Variants in DLGAP1 observed in about 807,000 individuals in gnomAD.
DLGAP1 encodes the protein DLG associated protein 1.
In DLGAP1, 11 loss-of-function variants were observed where a neutral mutation model predicts 90.8. The observed-to-expected ratio is 0.12, with a 90% CI of 0.08 to 0.20. The LOEUF (loss-of-function observed/expected upper bound fraction) is 0.20. Ranked by LOEUF, DLGAP1 falls within the 10% of genes least tolerant of loss-of-function variation. The probability of loss-of-function intolerance (pLI) is 1.00; values close to 1 mark genes in which losing one functional copy is unlikely to be tolerated. For synonymous variants in DLGAP1, 558 were observed against 540.7 expected (o/e 1.03, Z -0.44); for missense variants, 1,050 against 1,333.8 (o/e 0.79, Z 3.31).
At chr18:4,124,187 C>A (rs1466726236) in intron 2 of DLGAP1, among the ~76,000 whole-genome samples, 1 of 152,074 alleles carries the variant, frequency 6.6e-6, no homozygotes, top group Non-Finnish European at 1.5e-5. Flanking sequence ...CCTGAGAGCT[C>A]CTGTGCCAAG....
chr18:3,697,188 A>G (rs1399513257), intron 7 of DLGAP1, among the ~76,000 whole-genome samples: 2 of 150,172 alleles, frequency 1.3e-5, no homozygotes, highest in Non-Finnish European at 3.0e-5. Context: ...TTGTGTCTCT[A>G]TCTCCTTCAG....
rs9961409 is a variant in DLGAP1 at position 4,369,034 on chromosome 18, A to C, written c.-267+85972T>G. On this transcript the variant is annotated intron_variant, in intron 1 of 12. Coordinates refer to ENST00000315677, the MANE Select transcript of DLGAP1 (RefSeq NM_004746.4). The stretch of plus-strand genomic sequence containing the variant: ...GCTAACCAGCATCCTACACTGCATC[A>C]GGGATATGCAGCTCTTTTTATCAGG... 2.1e-3 allele frequency among the ~76,000 whole-genome samples: 323 copies of C among 152,330 alleles called. 1 individual carries two copies. The highest frequency in any genetic ancestry group is 7.5e-3 in the African/African-American group (311 of 41,578).
chr18:4,194,559 C>T (rs1216951780), intron 1 of DLGAP1, among the ~76,000 whole-genome samples: 3 of 151,842 alleles, frequency 2.0e-5, no homozygotes, highest in South Asian at 2.1e-4. Flanking sequence ...TGAGAGTGTA[C>T]GTATTTTTTT....
intron 4 of DLGAP1, among the ~76,000 whole-genome samples, chr18:3,825,143 C>A (rs2067641319): frequency 6.6e-6 from 1 of 152,182 alleles, no homozygotes; most frequent in Admixed American, 6.5e-5. Flanking sequence ...TGCTTCCAGG[C>A]TAGCTCAAGG....
intron 5 of DLGAP1, among the ~76,000 whole-genome samples, chr18:3,762,640 C>G (rs1043260756): frequency 1.3e-5 from 2 of 152,132 alleles, no homozygotes; most frequent in Non-Finnish European, 2.9e-5. Flanking sequence ...TCCCTATTGT[C>G]AAATGCTCTA....
chr18:3,523,716 G>GGA (rs2051400129), intron 10 of DLGAP1, among the ~76,000 whole-genome samples: 1 of 151,942 alleles, frequency 6.6e-6, no homozygotes, highest in Non-Finnish European at 1.5e-5. Context: ...GCGTGGTGGC[G>GGA]TGCGCCCGTA....
At chr18:4,341,197 T>A (rs953034381) in intron 1 of DLGAP1, among the ~76,000 whole-genome samples, 8 of 151,822 alleles carry the variant, frequency 5.3e-5, no homozygotes, top group East Asian at 1.9e-4. Context: ...TATATATATA[T>A]AAAAAGAAAA....
intron 2 of DLGAP1, among the ~76,000 whole-genome samples, chr18:4,102,479 A>G (rs1322653397): frequency 6.6e-6 from 1 of 152,202 alleles, no homozygotes; most frequent in Non-Finnish European, 1.5e-5. Flanking sequence ...CTGGATGTAA[A>G]GGAAAAAGCC....
At chr18:3,746,872 T>C (rs990826277) in intron 5 of DLGAP1, among the ~76,000 whole-genome samples, 26 of 152,222 alleles carry the variant, frequency 1.7e-4, no homozygotes, top group African/African-American at 6.3e-4. Flanking sequence ...TTGTGTACGA[T>C]TGCATCTATT....
At chr18:3,599,062 CT>C (rs757502315) in intron 7 of DLGAP1, among the ~76,000 whole-genome samples, 6 of 152,258 alleles carry the variant, frequency 3.9e-5, no homozygotes, top group Admixed American at 6.5e-5. Flanking sequence ...GCGTGAGCCA[CT>C]GCGCCCAGCA....
chr18:3,644,382 T>A (rs946987368), intron 7 of DLGAP1, among the ~76,000 whole-genome samples: 1 of 151,146 alleles, frequency 6.6e-6, no homozygotes, highest in Non-Finnish European at 1.5e-5. Context: ...CAAAATTATA[T>A]GTTTACAATA....
intron 3 of DLGAP1, among the ~76,000 whole-genome samples, chr18:3,935,839 C>A (rs964906204): frequency 6.6e-6 from 1 of 152,192 alleles, no homozygotes; most frequent in Non-Finnish European, 1.5e-5. Flanking sequence ...AGCTCTCATT[C>A]GAAAGTCTAA....
intron 3 of DLGAP1, among the ~76,000 whole-genome samples, chr18:3,964,975 G>A (rs1225223050): frequency 1.3e-5 from 2 of 152,090 alleles, no homozygotes; most frequent in East Asian, 3.8e-4. Context: ...CCAAATTTAC[G>A]TGAACTCCAA....
intron 3 of DLGAP1, among the ~76,000 whole-genome samples, chr18:3,938,484 G>A (rs1027075551): frequency 1.1e-4 from 16 of 152,154 alleles, no homozygotes; most frequent in African/African-American, 3.6e-4. Context: ...CTTGGCCGAG[G>A]GAAGTGCAGG....
chr18:3,911,276 A>C (rs2072027992), intron 3 of DLGAP1, among the ~76,000 whole-genome samples: 2 of 152,242 alleles, frequency 1.3e-5, no homozygotes, highest in South Asian at 4.1e-4. Context: ...AACTGTAATC[A>C]ATAAAATTTG....
chr18:3,916,473 C>A (rs1033628290), intron 3 of DLGAP1, among the ~76,000 whole-genome samples: 1 of 152,198 alleles, frequency 6.6e-6, no homozygotes, highest in Non-Finnish European at 1.5e-5. Context: ...CCTCTCAGAT[C>A]TACCTAAAGC....
intron 1 of DLGAP1, among the ~76,000 whole-genome samples, chr18:4,296,933 G>T (rs2143165881): frequency 6.6e-6 from 1 of 152,230 alleles, no homozygotes; most frequent in Non-Finnish European, 1.5e-5. Context: ...TCACCAAATA[G>T]CACTTCCCCA....
chr18:4,298,723 T>G (rs755543319), intron 1 of DLGAP1, among the ~76,000 whole-genome samples: 5 of 151,692 alleles, frequency 3.3e-5, no homozygotes, highest in Non-Finnish European at 5.9e-5. Flanking sequence ...TGTATACATA[T>G]GTAACTAACC....
At chr18:3,922,817 T>C (rs1414528163) in intron 3 of DLGAP1, among the ~76,000 whole-genome samples, 3 of 152,070 alleles carry the variant, frequency 2.0e-5, no homozygotes, top group Non-Finnish European at 4.4e-5. Context: ...ATTTAATAAA[T>C]ACTGTCAAAT....
Sources: gnomAD v4.1 joint callset for allele counts (sites outside exome capture counted in the v4.1 genomes callset) on GRCh38, gnomAD v4.1.1 for gene constraint, MANE v1.5 for transcripts, NCBI Gene and HGNC (gene_info 2026-07-23, HGNC 2026-07-21) for gene names.